The following SOX5 variants were observed in gnomAD, a reference collection of about 807,000 sequenced individuals.
SOX5 encodes the protein transcription factor SOX-5.
SOX5 carries 9 observed loss-of-function variants against 92.0 expected under a neutral mutation model. The observed-to-expected ratio is 0.10, with a 90% CI of 0.06 to 0.17. The LOEUF (loss-of-function observed/expected upper bound fraction) is 0.17. Among genes scored for constraint, SOX5 ranks in the 10% least tolerant of loss-of-function variants. The pLI is 1.00. For synonymous variants in SOX5, 344 were observed against 336.3 expected, an observed-to-expected ratio of 1.02 and a Z score of -0.25; for missense variants, 642 against 944.5, an observed-to-expected ratio of 0.68 and a Z score of 4.20.
chr12:24,232,972 AT>A (rs1343919349), intron 3 of SOX5, among the ~76,000 whole-genome samples: 2 of 152,186 alleles, frequency 1.3e-5, no homozygotes, highest in African/African-American at 4.8e-5. Context: ...CCTTGGGTTC[AT>A]CCCAGTCCTC....
intron 3 of SOX5, among the ~76,000 whole-genome samples, chr12:24,238,270 A>G (rs1018991104): frequency 2.0e-5 from 3 of 152,188 alleles, no homozygotes; most frequent in African/African-American, 7.2e-5. Context: ...AGAGAGAAAG[A>G]GAGGGAAGGA....
chr12:24,129,103 G>A (rs1266670286), intron 4 of SOX5, among the ~76,000 whole-genome samples: 3 of 152,050 alleles, frequency 2.0e-5, no homozygotes, highest in Admixed American at 1.3e-4. Context: ...TGATTATAAT[G>A]GGTATAATCA....
At chr12:24,018,002 A>G (rs1953855926) in intron 4 of SOX5, among the ~76,000 whole-genome samples, 1 of 152,202 alleles carries the variant, frequency 6.6e-6, no homozygotes, top group South Asian at 2.1e-4. Context: ...TTGCTCCATC[A>G]GTTTTTCCCA....
intron 4 of SOX5, among the ~76,000 whole-genome samples, chr12:24,199,621 T>A (rs1957330861): frequency 6.6e-6 from 1 of 152,102 alleles, no homozygotes; most frequent in Non-Finnish European, 1.5e-5. Context: ...CTAGGTAAGA[T>A]CAGTGCCAAT....
chr12:23,580,093 T>C (rs1949830047), intron 9 of SOX5, among the ~76,000 whole-genome samples: 1 of 152,182 alleles, frequency 6.6e-6, no homozygotes, highest in Admixed American at 6.5e-5. Context: ...TTTTAACTAG[T>C]AGAAGGCTAT....
intron 4 of SOX5, among the ~76,000 whole-genome samples, chr12:24,037,158 T>C (rs545146053): frequency 6.6e-5 from 10 of 152,206 alleles, no homozygotes; most frequent in Admixed American, 3.9e-4. Flanking sequence ...AAATAAACCA[T>C]TTTTCCATCA....
chr12:23,979,707 G>GTTTTTTTTTTT (rs1177945407), intron 4 of SOX5, among the ~76,000 whole-genome samples: 4 of 77,498 alleles, frequency 5.2e-5, no homozygotes, highest in Admixed American at 2.0e-4. Context: ...TGTTTTTTTT[G>GTTTTTTTTTTT]TTTTTTTTTT....
chr12:24,533,862 G>T (rs1438872721), intron 1 of SOX5, among the ~76,000 whole-genome samples: 1 of 152,112 alleles, frequency 6.6e-6, no homozygotes, highest in Non-Finnish European at 1.5e-5. Context: ...GAATGCAAAT[G>T]GTTCTGACTA....
chr12:24,280,435 T>C (rs1945030516), intron 2 of SOX5, among the ~76,000 whole-genome samples: 1 of 152,224 alleles, frequency 6.6e-6, no homozygotes, highest in African/African-American at 2.4e-5. Context: ...AAGTATATTA[T>C]ATAAAATTTT....
chr12:23,905,019 T>C (rs2097277048), intron 1 of SOX5, among the ~76,000 whole-genome samples: 2 of 152,114 alleles, frequency 1.3e-5, no homozygotes, highest in African/African-American at 4.8e-5. Flanking sequence ...CAAAAGCAAG[T>C]TGAAGATAAA....
chr12:24,199,137 A>G (rs1957284607), intron 4 of SOX5, among the ~76,000 whole-genome samples: 2 of 152,154 alleles, frequency 1.3e-5, no homozygotes, highest in South Asian at 4.1e-4. Context: ...TGCAGACATG[A>G]GCCAAAGCAC....
At chr12:24,414,218 T>C (rs1414564108) in intron 1 of SOX5, among the ~76,000 whole-genome samples, 5 of 152,230 alleles carry the variant, frequency 3.3e-5, no homozygotes, top group African/African-American at 1.2e-4. Context: ...ATTATTATCC[T>C]TGAGCACACA....
At position 23,973,849 on chromosome 12, in the gene SOX5, T is replaced by A. The variant is rs147861946; in HGVS notation, c.-1-77825A>T. 1.9e-3 allele frequency among the ~76,000 whole-genome samples: 289 copies of A among 152,254 alleles called. 2 individuals carry two copies. Among genetic ancestry groups the A allele is most frequent in the African/African-American group, 6.9e-3 (285 of 41,554 alleles). On this transcript the variant is annotated intron_variant, in intron 4 of 4. Coordinates refer to the SOX5 transcript ENST00000446891. Reference sequence around the variant, plus strand: ...TGGAAACCCTATTGGGAACTGCACATGCGAGGGATCTAGGTTGCGCGCTCA... The same window carrying A: ...TGGAAACCCTATTGGGAACTGCACAAGCGAGGGATCTAGGTTGCGCGCTCA...
intron 6 of SOX5, among the ~76,000 whole-genome samples, chr12:23,716,573 G>A (rs1593595611): frequency 6.6e-6 from 1 of 152,186 alleles, no homozygotes; most frequent in East Asian, 1.9e-4. Context: ...TTTTAAAAAA[G>A]CCTTTCTGGG....
At chr12:23,899,088 A>G (rs910732782) in intron 1 of SOX5, among the ~76,000 whole-genome samples, 8 of 152,322 alleles carry the variant, frequency 5.3e-5, no homozygotes, top group Middle Eastern at 3.4e-3. Flanking sequence ...AAGTGTTGAA[A>G]CACTTGGGCA....
chr12:23,768,373 C>T (rs1469918130), intron 3 of SOX5, among the ~76,000 whole-genome samples: 3 of 151,988 alleles, frequency 2.0e-5, no homozygotes, highest in African/African-American at 7.3e-5. Flanking sequence ...AAAAAAACAC[C>T]CAGGAACCTG....
At chr12:23,729,801 T>C (rs375460968) in intron 6 of SOX5, among the ~76,000 whole-genome samples, 67 of 152,308 alleles carry the variant, frequency 4.4e-4, no homozygotes, top group African/African-American at 1.5e-3. Context: ...GTATCTTAAG[T>C]AGATTTCATG....
intron 8 of SOX5, among the ~76,000 whole-genome samples, chr12:23,617,052 C>T (rs534348100): frequency 2.7e-4 from 41 of 149,724 alleles, no homozygotes; most frequent in Non-Finnish European, 4.6e-4. Flanking sequence ...TTGAGCCCAG[C>T]AGTTCAAGGC....
chr12:24,230,060 C>G (rs1963039527), intron 3 of SOX5, among the ~76,000 whole-genome samples: 1 of 152,132 alleles, frequency 6.6e-6, no homozygotes, highest in Admixed American at 6.5e-5. Flanking sequence ...CCTAAAACAA[C>G]TGATTTCTCT....
Sources: gnomAD v4.1 joint callset for allele counts (sites outside exome capture counted in the v4.1 genomes callset) on GRCh38, gnomAD v4.1.1 for gene constraint, MANE v1.5 for transcripts, NCBI Gene and HGNC (gene_info 2026-07-23, HGNC 2026-07-21) for gene names.